Variants in RGS7 observed in about 807,000 individuals in gnomAD.
The protein encoded by RGS7 is regulator of G protein signaling 7.
In RGS7, 27 loss-of-function variants were observed where a neutral mutation model predicts 81.1. The ratio of observed to expected loss-of-function variants is 0.33; its 90% CI spans 0.25 to 0.46. The LOEUF (loss-of-function observed/expected upper bound fraction) is 0.46. Among genes scored for constraint, RGS7 ranks in the 20% least tolerant of loss-of-function variants. The pLI is 1.00. For missense variants in RGS7, 396 were observed against 607.4 expected, an observed-to-expected ratio of 0.65 and a Z score of 3.66; for synonymous variants, 208 against 207.7, an observed-to-expected ratio of 1.00 and a Z score of -0.01.
chr1:240,980,274 G>A (rs1684725270), intron 4 of RGS7, among the ~76,000 whole-genome samples: 1 of 152,120 alleles, frequency 6.6e-6, no homozygotes. Context: ...TTGGTCTTAA[G>A]TATGGTCCTG....
intron 2 of RGS7, among the ~76,000 whole-genome samples, chr1:241,350,619 A>G (rs2083175311): frequency 6.6e-6 from 1 of 152,100 alleles, no homozygotes; most frequent in South Asian, 2.1e-4. Context: ...CAAAAATGTT[A>G]AAGATCAACT....
At chr1:240,921,355 C>T (rs1673504992) in intron 6 of RGS7, among the ~76,000 whole-genome samples, 1 of 151,716 alleles carries the variant, frequency 6.6e-6, no homozygotes, top group African/African-American at 2.4e-5. Context: ...GATGCTTTCC[C>T]ACTAAAATAA....
intron 2 of RGS7, among the ~76,000 whole-genome samples, chr1:241,268,290 C>G (rs1016361279): frequency 3.3e-5 from 5 of 152,220 alleles, no homozygotes; most frequent in African/African-American, 1.2e-4. Context: ...TCAGCCCTGT[C>G]TGTCTCTTCA....
At chr1:241,018,102 G>C (rs983739376) in intron 3 of RGS7, among the ~76,000 whole-genome samples, 1 of 150,414 alleles carries the variant, frequency 6.6e-6, no homozygotes, top group Non-Finnish European at 1.5e-5. Context: ...GAGTAGCTGG[G>C]ATTACAGGCA....
intron 4 of RGS7, among the ~76,000 whole-genome samples, chr1:240,948,471 G>A (rs554364160): frequency 7.9e-5 from 12 of 151,930 alleles, no homozygotes; most frequent in East Asian, 1.9e-4. Context: ...TTTTTGAGAC[G>A]GAGTCTGTGT....
chr1:241,158,891 A>T (rs1323471992), intron 2 of RGS7, among the ~76,000 whole-genome samples: 1 of 152,202 alleles, frequency 6.6e-6, no homozygotes, highest in Non-Finnish European at 1.5e-5. Context: ...GGGTTTTCAT[A>T]TGCACTGAAA....
intron 4 of RGS7, among the ~76,000 whole-genome samples, chr1:240,977,091 TAC>T (rs60732630): frequency 0.074 from 9,823 of 133,566 alleles, 596 homozygotes; most frequent in African/African-American, 0.17. Context: ...TATCCATCTG[TAC>T]ACACACACAC....
intron 2 of RGS7, among the ~76,000 whole-genome samples, chr1:241,153,577 C>A (rs1274664128): frequency 6.6e-6 from 1 of 152,242 alleles, no homozygotes; most frequent in African/African-American, 2.4e-5. Flanking sequence ...GGGCTTGCCC[C>A]AGTGCGGTAC....
intron 5 of RGS7, among the ~76,000 whole-genome samples, chr1:240,935,189 T>C (rs1572852696): frequency 6.6e-6 from 1 of 152,228 alleles, no homozygotes; most frequent in East Asian, 1.9e-4. Flanking sequence ...TGAGCCACTG[T>C]GCCCGGCCTC....
chr1:240,806,441 T>C (rs1345060144), intron 14 of RGS7, 115 bp from the exon 15 acceptor site: 2 of 944,332 alleles, frequency 2.1e-6, no homozygotes, highest in Non-Finnish European at 3.4e-6. Context: ...TCACTTTCTC[T>C]GAGGGCTTCC....
At chr1:240,825,472 C>T (rs189998421) in intron 10 of RGS7, among the ~76,000 whole-genome samples, 15 of 152,312 alleles carry the variant, frequency 9.8e-5, no homozygotes, top group African/African-American at 3.6e-4. Context: ...TTTTCTCCAA[C>T]TGTGGAAAAT....
chr1:241,188,804 G>A (rs568484375), intron 2 of RGS7, among the ~76,000 whole-genome samples: 63 of 152,302 alleles, frequency 4.1e-4, no homozygotes, highest in African/African-American at 1.5e-3. Context: ...AAGAGAAGTA[G>A]TAAGAATTCC....
chr1:241,192,196 G>C (rs1440577433), intron 2 of RGS7, among the ~76,000 whole-genome samples: 40 of 139,138 alleles, frequency 2.9e-4, no homozygotes, highest in Non-Finnish European at 1.6e-5. Context: ...GTGTGTGTGT[G>C]TGTGTGTGTG....
At chr1:240,802,777 G>C (rs1688231430) in intron 16 of RGS7, 127 bp downstream of exon 16, 6 of 744,276 alleles carry the variant, frequency 8.1e-6, no homozygotes, top group Non-Finnish European at 2.4e-6. Context: ...GCAAAGGTTT[G>C]GGGGAGGGTC....
At chr1:241,002,293 A>C (rs927866468) in intron 3 of RGS7, among the ~76,000 whole-genome samples, 5 of 141,620 alleles carry the variant, frequency 3.5e-5, no homozygotes, top group Admixed American at 6.9e-5. Flanking sequence ...CTAAAAATGC[A>C]AAAAAAAAAA....
intron 2 of RGS7, among the ~76,000 whole-genome samples, chr1:241,234,735 AC>A (rs1325005425): frequency 6.6e-6 from 1 of 152,128 alleles, no homozygotes. Context: ...CTGTTGCCAG[AC>A]TTAGTCGAAA....
chr1:240,824,393 T>C (rs1200092908), intron 10 of RGS7, among the ~76,000 whole-genome samples: 1 of 152,240 alleles, frequency 6.6e-6, no homozygotes, highest in African/African-American at 2.4e-5. Context: ...TTCCACTTCC[T>C]GAGCAGCCAC....
intron 4 of RGS7, among the ~76,000 whole-genome samples, chr1:240,943,005 TA>T (rs1048533633): frequency 2.0e-5 from 3 of 151,868 alleles, no homozygotes; most frequent in Admixed American, 6.6e-5. Flanking sequence ...TTCATCTTTT[TA>T]AAAAAAACAT....
intron 18 of RGS7, among the ~76,000 whole-genome samples, chr1:240,783,228 T>G (rs983529215): frequency 6.6e-6 from 1 of 152,186 alleles, no homozygotes; most frequent in Non-Finnish European, 1.5e-5. Context: ...TTTGTTATAA[T>G]TAGGGACAAC....
Sources: gnomAD v4.1 joint callset for allele counts (sites outside exome capture counted in the v4.1 genomes callset) on GRCh38, gnomAD v4.1.1 for gene constraint, MANE v1.5 for transcripts, NCBI Gene and HGNC (gene_info 2026-07-23, HGNC 2026-07-21) for gene names.